Variants in DUXA observed in about 807,000 individuals in gnomAD.
The protein encoded by DUXA is double homeobox A, also known as double homeobox protein A.
A neutral mutation model predicts 27.5 loss-of-function variants in DUXA; 25 were observed. That is an observed-to-expected ratio of 0.91 (90% confidence interval 0.66 to 1.27). The LOEUF is 1.27. DUXA is among the 50% of genes most tolerant of loss of function. DUXA has a pLI of 0.00. For missense variants in DUXA, 247 were observed against 242.9 expected, an observed-to-expected ratio of 1.02 and a Z score of -0.11; for synonymous variants, 90 against 80.5, an observed-to-expected ratio of 1.12 and a Z score of -0.63.
At chr19:57,158,285 C>G (rs755755041) in intron 4 of DUXA, 43 bp downstream of exon 4, 17 of 1,607,266 alleles carry the variant, frequency 1.1e-5, no homozygotes, top group Non-Finnish European at 1.4e-5. Context: ...TCCTGTATAC[C>G]TAGATCCCTA....
At chr19:57,156,712 T>C (rs1781432128) in intron 4 of DUXA, among the ~76,000 whole-genome samples, 1 of 152,178 alleles carries the variant, frequency 6.6e-6, no homozygotes, top group African/African-American at 2.4e-5. Context: ...TTGCCCAGGC[T>C]GAATTGCAGT....
At chr19:57,154,567 C>CA in intron 5 of DUXA, 85 bp from the exon 6 acceptor site, 1 of 776,754 alleles carries the variant, frequency 1.3e-6, no homozygotes, top group Non-Finnish European at 1.9e-6. Flanking sequence ...CCCACCTTTT[C>CA]TTTTTTTTTT....
chr19:57,159,079 C>T (rs1238121651), intron 3 of DUXA, 88 bp downstream of exon 3: 3 of 1,148,562 alleles, frequency 2.6e-6, no homozygotes, highest in Non-Finnish European at 3.8e-6. Flanking sequence ...AGGAGGTCAT[C>T]AGGGAGGAGA....
intron 1 of DUXA, among the ~76,000 whole-genome samples, chr19:57,164,552 G>A (rs1315148423): frequency 1.3e-5 from 2 of 152,044 alleles, no homozygotes; most frequent in African/African-American, 2.4e-5. Flanking sequence ...TCCAGCCTGG[G>A]CAACAGGAGT....
intron 1 of DUXA, among the ~76,000 whole-genome samples, chr19:57,165,320 A>ATATAT (rs1380503736): frequency 5.1e-4 from 49 of 96,628 alleles, no homozygotes; most frequent in Middle Eastern, 4.9e-3. Context: ...AAAAAAAAAA[A>ATATAT]AAAAATATAT....
intron 1 of DUXA, among the ~76,000 whole-genome samples, chr19:57,165,982 G>T (rs1286530589): frequency 6.6e-6 from 1 of 152,006 alleles, no homozygotes; most frequent in Admixed American, 6.6e-5. Flanking sequence ...AGAGTGCAGG[G>T]GTGAGGTCAC....
Position 57,165,444 on chromosome 19 carries a change from C to T in DUXA, c.25+1975G>A, listed in dbSNP as rs183549056. Among the ~76,000 whole-genome samples the T allele has an allele frequency of 6.0e-5, 9 of 150,918 alleles. No individual in the cohort carries two copies. The East Asian group carries it at 1.7e-3, about 29-fold the overall frequency. On this transcript the variant is annotated intron_variant, in intron 1 of 5. Coordinates refer to ENST00000554048, the MANE Select transcript of DUXA (RefSeq NM_001012729.2). ...ACTTCCAGAAATGGCTAGGTAAGTC[C>T]TAGTAGAATTAACCAGAATATTTTC... is the stretch of plus-strand genomic sequence containing the variant.
chr19:57,165,324 A>AATATATATATATACATAT (rs2087047405), intron 1 of DUXA, among the ~76,000 whole-genome samples: 1 of 89,286 alleles, frequency 1.1e-5, no homozygotes, highest in Non-Finnish European at 2.3e-5. Context: ...AAAAAAAAAA[A>AATATATATATATACATAT]ATATATATAT....
At chr19:57,158,180 T>A (rs1332348027) in intron 4 of DUXA, 148 bp downstream of exon 4, 3 of 877,910 alleles carry the variant, frequency 3.4e-6, no homozygotes, top group African/African-American at 3.4e-5. Context: ...TGTGGGCACC[T>A]GGGGGTAGAA....
Position 57,155,508 on chromosome 19 carries a change from T to C in DUXA, c.439-136A>G, listed in dbSNP as rs571527502. The C allele has an allele frequency of 5.1e-5, 34 of 667,658 alleles. 1 individual carries two copies. In the South Asian group the frequency reaches 6.5e-4, roughly 13 times the overall value. The allele number at this position is 667,658 out of a possible 1,614,324, so 41.4% of individuals were successfully genotyped here. Reference sequence around the variant, plus strand: ...GAGTAGCTAGTGCCACAGCTGTGCATCATCACCTTAGGCTAACTTTTAAAC... The same window carrying C: ...GAGTAGCTAGTGCCACAGCTGTGCACCATCACCTTAGGCTAACTTTTAAAC... On this transcript the variant is annotated intron_variant, in intron 4 of 5. Coordinates refer to ENST00000554048, the MANE Select transcript of DUXA (RefSeq NM_001012729.2).
intron 1 of DUXA, among the ~76,000 whole-genome samples, chr19:57,164,581 A>C (rs1599932937): frequency 1.3e-5 from 2 of 152,118 alleles, no homozygotes; most frequent in African/African-American, 4.8e-5. Flanking sequence ...GTCTCAAAAA[A>C]ATAAAATTAA....
At chr19:57,159,697 C>A (rs1434943773) in intron 2 of DUXA, among the ~76,000 whole-genome samples, 60 of 151,434 alleles carry the variant, frequency 4.0e-4, no homozygotes, top group Admixed American at 4.0e-3. Flanking sequence ...ATAAGCATGA[C>A]CTACCACGCC....
chr19:57,167,476 T>C lies in DUXA; in HGVS notation c.-33A>G. The C allele has an allele frequency of 1.1e-5, 18 of 1,610,332 alleles. No individual in the cohort carries two copies. The highest frequency in any genetic ancestry group is 1.4e-5 in the Non-Finnish European group (17 of 1,178,960). ...GAGAGTCCTGAAGGCTGAGCCACTG[T>C]CTGGGAGACAAGTCACTCTGCGCAG... On this transcript the variant is annotated 5_prime_UTR_variant, in exon 1 of 6. Transcript: ENST00000554048.
chr19:57,160,397 G>A (rs1393415589), intron 2 of DUXA, among the ~76,000 whole-genome samples: 2 of 152,242 alleles, frequency 1.3e-5, no homozygotes, highest in African/African-American at 4.8e-5. Context: ...TTAAAAGCCA[G>A]CTCAAGTATC....
chr19:57,159,693 A>G (rs1175020492), intron 2 of DUXA, among the ~76,000 whole-genome samples: 1 of 151,780 alleles, frequency 6.6e-6, no homozygotes, highest in Non-Finnish European at 1.5e-5. Flanking sequence ...GATTATAAGC[A>G]TGACCTACCA....
Position 57,158,058 on chromosome 19 carries a change from A to G in DUXA, c.438+270T>C, listed in dbSNP as rs150639949. ...ATGCAATGTTAACTAATATTCACTC[A>G]CTCAACAACTTCTCATTGGGTGTCA... On this transcript the variant is annotated intron_variant, in intron 4 of 5. Transcript: ENST00000554048. Among the ~76,000 whole-genome samples, 3 of 152,098 alleles carry G rather than the reference A, an allele frequency of 2.0e-5. No individual in the cohort carries two copies. The East Asian group carries it at 5.8e-4, about 29-fold the overall frequency.
In DUXA at chr19:57,167,406, C is replaced by T. The variant is rs2087060034; in HGVS notation, c.25+13G>A. The T allele has an allele frequency of 6.2e-7, 1 of 1,613,520 alleles. No homozygotes were observed. Among genetic ancestry groups the T allele is most frequent in the Non-Finnish European group, 8.5e-7 (1 of 1,179,854 alleles). On this transcript the variant is annotated intron_variant, in intron 1 of 5. Transcript: ENST00000554048. ...AAACCAACAAAAGCTCAGTCAAGCA[C>T]AAGGGAACTTACTGTGTGAATAGGT...
rs371048019 is a variant in DUXA at position 57,160,803 on chromosome 19, G to C, written c.26-6C>G. On this transcript the variant is annotated splice_polypyrimidine_tract_variant and splice_region_variant and intron_variant, in intron 1 of 5. Transcript: ENST00000554048. ...ATGATTTGTTTTTACCATCTCTGTA[G>C]GAAGATTACAAAAGAAGAAGCATGT... The C allele has an allele frequency of 1.9e-6, 3 of 1,613,150 alleles. No homozygotes were observed. In the African/African-American group the frequency reaches 4.0e-5, roughly 22 times the overall value.
chr19:57,158,279 G>C, intron 4 of DUXA, 49 bp downstream of exon 4: 1 of 1,601,048 alleles, frequency 6.2e-7, no homozygotes, highest in Non-Finnish European at 8.5e-7. Context: ...TTCCCTTCCT[G>C]TATACCTAGA....
Sources: allele counts gnomAD v4.1 joint callset (sites outside exome capture counted in the v4.1 genomes callset), GRCh38; gene constraint gnomAD v4.1.1; transcripts MANE v1.5; gene names NCBI Gene and HGNC (gene_info 2026-07-23, HGNC 2026-07-21).